Variants in PAFAH1B1 observed in about 807,000 individuals in gnomAD.
The protein encoded by PAFAH1B1 is platelet-activating factor acetylhydrolase IB subunit beta.
Under a neutral mutation model 57.5 loss-of-function variants are expected in PAFAH1B1, and 2 were observed. The observed-to-expected ratio is 0.03, with a 90% CI of 0.01 to 0.11. PAFAH1B1 has a LOEUF of 0.11. Among genes scored for constraint, PAFAH1B1 ranks in the 10% least tolerant of loss-of-function variants. The probability of loss-of-function intolerance (pLI) is 1.00; values close to 1 mark genes in which losing one functional copy is unlikely to be tolerated. For synonymous variants in PAFAH1B1, 152 were observed against 169.6 expected, an observed-to-expected ratio of 0.90 and a Z score of 0.81; for missense variants, 257 against 512.0, an observed-to-expected ratio of 0.50 and a Z score of 4.81.
chr17:2,607,801 A>G (rs1363357241), intron 1 of PAFAH1B1, among the ~76,000 whole-genome samples: 1 of 151,936 alleles, frequency 6.6e-6, no homozygotes, highest in Admixed American at 6.6e-5. Context: ...TCCCTTTTGT[A>G]CTTCTTTCCA....
At chr17:2,675,236 C>G (rs1046718809) in intron 8 of PAFAH1B1, among the ~76,000 whole-genome samples, 1 of 152,114 alleles carries the variant, frequency 6.6e-6, no homozygotes, top group Non-Finnish European at 1.5e-5. Context: ...CTCATGGCCT[C>G]AAGTGATCCG....
chr17:2,647,302 G>T (rs150229456), intron 2 of PAFAH1B1, among the ~76,000 whole-genome samples: 1,742 of 152,308 alleles, frequency 0.011, 32 homozygotes, highest in African/African-American at 0.04. Context: ...TGAGGTGGAG[G>T]TTGCAGTGAG....
chr17:2,615,088 A>G (rs1230781333), intron 1 of PAFAH1B1, among the ~76,000 whole-genome samples: 1 of 152,224 alleles, frequency 6.6e-6, no homozygotes, highest in African/African-American at 2.4e-5. Flanking sequence ...AGTACTGAAC[A>G]TGCAGTTTTC....
At chr17:2,668,534 C>T (rs2069138373) in intron 5 of PAFAH1B1, among the ~76,000 whole-genome samples, 2 of 151,618 alleles carry the variant, frequency 1.3e-5, no homozygotes. Flanking sequence ...TTAAAATTAG[C>T]CAGGTATGGT....
At chr17:2,617,022 G>A (rs1312211019) in intron 1 of PAFAH1B1, among the ~76,000 whole-genome samples, 3 of 152,022 alleles carry the variant, frequency 2.0e-5, no homozygotes, top group Admixed American at 6.6e-5. Flanking sequence ...GCAGTGAGCC[G>A]AGATCGCACC....
intron 1 of PAFAH1B1, among the ~76,000 whole-genome samples, chr17:2,594,539 G>A (rs980593372): frequency 6.6e-6 from 1 of 152,180 alleles, no homozygotes; most frequent in Non-Finnish European, 1.5e-5. Context: ...GGCCTTCCAG[G>A]CATTCCGTCC....
rs952455624 is a variant in PAFAH1B1, at chr17:2,685,068, A to G, written c.*3266A>G. On this transcript the variant is annotated 3_prime_UTR_variant, in exon 11 of 11. Coordinates refer to ENST00000397195, the MANE Select transcript of PAFAH1B1 (RefSeq NM_000430.4). ...TGGTTACTTTCATGTCCAGCTGTATATAAGTCCAGTGTGTTCATCTAGATG... is the reference window on the plus strand; with the variant it reads ...TGGTTACTTTCATGTCCAGCTGTATGTAAGTCCAGTGTGTTCATCTAGATG... 2 of 151,976 alleles carry G rather than the reference A, an allele frequency of 1.3e-5. No homozygotes were observed. The highest frequency in any genetic ancestry group is 1.9e-4 in the East Asian group (1 of 5,168). The allele number at this position is 151,976 out of a possible 1,614,324, so 9.4% of individuals were successfully genotyped here. A position where few individuals can be genotyped will look rare whatever the true frequency, so the allele number is the denominator to read the frequency against.
intron 2 of PAFAH1B1, among the ~76,000 whole-genome samples, chr17:2,638,845 T>C (rs1185627573): frequency 6.6e-6 from 1 of 151,812 alleles, no homozygotes; most frequent in East Asian, 2.0e-4. Context: ...CTTGACTGTA[T>C]GTAAGTTTAA....
chr17:2,681,830 CTT>C lies in PAFAH1B1; in HGVS notation c.*31_*32del. ...GTGTCTCCTTCGGCCCCTCCTCCCT[CTT>C]TTCCTCTGGATGCACTCTGATGATA... On this transcript the variant is annotated 3_prime_UTR_variant, in exon 11 of 11. Transcript: ENST00000397195. The C allele has an allele frequency of 6.4e-7, 1 of 1,558,370 alleles. No individual in the cohort carries two copies. Among genetic ancestry groups the C allele is most frequent in the Middle Eastern group, 2.3e-4 (1 of 4,340 alleles).
Position 2,682,405 on chromosome 17 carries a change from A to G in PAFAH1B1, c.*603A>G, listed in dbSNP as rs1045470797. On this transcript the variant is annotated 3_prime_UTR_variant, in exon 11 of 11. Transcript: ENST00000397195. The stretch of plus-strand genomic sequence containing the variant: ...TAGGATATATTTGTTTTGGCAGCCT[A>G]TCACGCAGAGGCTAGTGGTATATTT... 3 of 152,668 alleles carry G rather than the reference A, an allele frequency of 2.0e-5. No homozygotes were observed. The highest frequency in any genetic ancestry group is 2.4e-5 in the African/African-American group (1 of 41,462). The allele number at this position is 152,668 out of a possible 1,614,324, so 9.5% of individuals were successfully genotyped here.
chr17:2,598,979 G>T (rs1415025476), intron 1 of PAFAH1B1, among the ~76,000 whole-genome samples: 1 of 152,140 alleles, frequency 6.6e-6, no homozygotes, highest in African/African-American at 2.4e-5. Flanking sequence ...TTGGTGGCAG[G>T]CATCATAAGC....
intron 1 of PAFAH1B1, among the ~76,000 whole-genome samples, chr17:2,596,125 A>G (rs1298183412): frequency 6.6e-6 from 1 of 152,158 alleles, no homozygotes; most frequent in Non-Finnish European, 1.5e-5. Flanking sequence ...ATAAAAAGCA[A>G]TGTCCCTGCT....
intron 7 of PAFAH1B1, chr17:2,673,638 CA>C (rs766887134): frequency 6.8e-3 from 1,019 of 150,490 alleles, no homozygotes; most frequent in South Asian, 0.021. Context: ...GACTCCGTCT[CA>C]AAAAAAAAAA....
intron 1 of PAFAH1B1, among the ~76,000 whole-genome samples, chr17:2,595,850 G>T (rs769986075): frequency 4.6e-5 from 7 of 152,080 alleles, no homozygotes; most frequent in Non-Finnish European, 1.0e-4. Flanking sequence ...GCCCTACGTT[G>T]GTACCTCCCC....
At chr17:2,633,084 C>G (rs547279799) in intron 1 of PAFAH1B1, among the ~76,000 whole-genome samples, 1 of 152,172 alleles carries the variant, frequency 6.6e-6, no homozygotes, top group East Asian at 1.9e-4. Context: ...TGTTGTTTCA[C>G]TAGGCTTTGG....
chr17:2,652,365 A>G (rs1000995716), intron 2 of PAFAH1B1, among the ~76,000 whole-genome samples: 1 of 152,250 alleles, frequency 6.6e-6, no homozygotes, highest in Non-Finnish European at 1.5e-5. Context: ...CAGTGAGCCA[A>G]GATCGCGCCA....
At chr17:2,623,068 C>T (rs1278647026) in intron 1 of PAFAH1B1, among the ~76,000 whole-genome samples, 1 of 152,084 alleles carries the variant, frequency 6.6e-6, no homozygotes, top group Non-Finnish European at 1.5e-5. Context: ...GGACCCTGGG[C>T]CCAGCTCATG....
intron 6 of PAFAH1B1, among the ~76,000 whole-genome samples, chr17:2,670,956 G>C (rs1408396623): frequency 1.3e-5 from 2 of 152,304 alleles, no homozygotes; most frequent in Admixed American, 6.5e-5. Flanking sequence ...GAAGTCATAA[G>C]ATAAATCATC....
At chr17:2,657,874 C>CT (rs2068958566) in intron 2 of PAFAH1B1, among the ~76,000 whole-genome samples, 2 of 152,170 alleles carry the variant, frequency 1.3e-5, no homozygotes, top group Non-Finnish European at 2.9e-5. Flanking sequence ...CCTTCTTCCT[C>CT]TTTCCTTTTT....
Sources: allele counts gnomAD v4.1 joint callset (sites outside exome capture counted in the v4.1 genomes callset), GRCh38; gene constraint gnomAD v4.1.1; transcripts MANE v1.5; gene names NCBI Gene and HGNC (gene_info 2026-07-23, HGNC 2026-07-21).